CHIC2: variants seen among roughly 807,000 people sequenced by gnomAD.
CHIC2 encodes the protein cysteine rich hydrophobic domain 2.
Under a neutral mutation model 25.9 loss-of-function variants are expected in CHIC2, and 14 were observed. That is an observed-to-expected ratio of 0.54 (90% CI 0.36 to 0.85). The LOEUF (loss-of-function observed/expected upper bound fraction) is 0.85. Among genes scored for constraint, CHIC2 ranks in the 40% least tolerant of loss-of-function variants. The pLI is 0.01. For synonymous variants in CHIC2, 70 were observed against 72.0 expected (o/e 0.97, Z 0.14); for missense variants, 146 against 202.0 (o/e 0.72, Z 1.68).
intron 3 of CHIC2, among the ~76,000 whole-genome samples, chr4:54,021,169 T>C (rs2110064120): frequency 6.6e-6 from 1 of 152,324 alleles, no homozygotes; most frequent in Non-Finnish European, 1.5e-5. Flanking sequence ...TCTTCTGCAA[T>C]ACCGCTTGAC....
intron 3 of CHIC2, among the ~76,000 whole-genome samples, chr4:54,029,338 C>G (rs1308422972): frequency 6.6e-6 from 1 of 152,046 alleles, no homozygotes; most frequent in Admixed American, 6.6e-5. Context: ...CAAGAAAGAT[C>G]AGGTTCCTGA....
At chr4:54,051,071 C>G (rs1716995016) in intron 1 of CHIC2, among the ~76,000 whole-genome samples, 1 of 152,056 alleles carries the variant, frequency 6.6e-6, no homozygotes, top group African/African-American at 2.4e-5. Context: ...CTCTGAAATT[C>G]TGAACTGTAA....
intron 1 of CHIC2, among the ~76,000 whole-genome samples, chr4:54,057,138 C>T (rs929412802): frequency 6.6e-6 from 1 of 152,126 alleles, no homozygotes; most frequent in African/African-American, 2.4e-5. Flanking sequence ...GCAAAAGTGG[C>T]CACTGCTATG....
chr4:54,085,158 T>C, the CHIC2 span, among the ~76,000 whole-genome samples: 1 of 152,200 alleles, frequency 6.6e-6, no homozygotes, highest in Non-Finnish European at 1.5e-5. Context: ...TTTTATTAAA[T>C]ATGAATGTCC....
In CHIC2 at chr4:54,050,372, G is replaced by A. The variant is rs1003197670; in HGVS notation, c.120-1067C>T. On this transcript the variant is annotated intron_variant, in intron 1 of 5. Coordinates refer to ENST00000263921, the MANE Select transcript of CHIC2 (RefSeq NM_012110.4). ...ATTTCACTATCTCTACATTCCTCCA[G>A]TCTATAGTCATAACTCTGCAAACCA... Among the ~76,000 whole-genome samples, 9 of 152,128 alleles carry A rather than the reference G, an allele frequency of 5.9e-5. No individual in the cohort carries two copies. In the East Asian group the frequency reaches 1.7e-3, roughly 29 times the overall value.
intron 3 of CHIC2, among the ~76,000 whole-genome samples, chr4:54,038,872 GA>G (rs528099077): frequency 9.4e-4 from 141 of 150,160 alleles, no homozygotes; most frequent in Admixed American, 2.3e-3. Context: ...AATTAAAAAA[GA>G]AAAAAAAGCT....
chr4:54,057,562 C>T (rs942071256), intron 1 of CHIC2, among the ~76,000 whole-genome samples: 1 of 152,242 alleles, frequency 6.6e-6, no homozygotes, highest in Admixed American at 6.5e-5. Flanking sequence ...AGGATCTCAT[C>T]CATTTCCTTC....
At chr4:54,091,648 A>G in the CHIC2 span, among the ~76,000 whole-genome samples, 149 of 152,304 alleles carry the variant, frequency 9.8e-4, 3 homozygotes, top group Admixed American at 8.1e-3. Flanking sequence ...GAACCTATCC[A>G]TGTAACCTAA....
intron 1 of CHIC2, among the ~76,000 whole-genome samples, chr4:54,062,838 T>C (rs935275333): frequency 6.6e-6 from 1 of 152,136 alleles, no homozygotes; most frequent in Non-Finnish European, 1.5e-5. Context: ...ATGAATTCTG[T>C]GATATATGTT....
At chr4:54,080,787 A>G in the CHIC2 span, among the ~76,000 whole-genome samples, 5 of 151,118 alleles carry the variant, frequency 3.3e-5, no homozygotes, top group Non-Finnish European at 7.4e-5. Flanking sequence ...GGGGTCTCTA[A>G]TGTACAGCAT....
intron 3 of CHIC2, among the ~76,000 whole-genome samples, chr4:54,043,484 G>C (rs1221613716): frequency 6.7e-6 from 1 of 150,374 alleles, no homozygotes; most frequent in Non-Finnish European, 1.5e-5. Flanking sequence ...CCAGAAGAGA[G>C]TGGGGGCCAA....
At chr4:54,039,137 A>G (rs1236276739) in intron 3 of CHIC2, among the ~76,000 whole-genome samples, 1 of 152,174 alleles carries the variant, frequency 6.6e-6, no homozygotes, top group Non-Finnish European at 1.5e-5. Context: ...TCACACACCT[A>G]AAAGTAAAGA....
chr4:54,049,331 G>A, intron 1 of CHIC2, 26 bp from the exon 2 acceptor site: 1 of 1,447,606 alleles, frequency 6.9e-7, no homozygotes, highest in Non-Finnish European at 9.5e-7. Context: ...AGAAGAATAT[G>A]TTATTACATG....
At position 54,064,455 on chromosome 4, in the gene CHIC2, G is replaced by A. The variant is rs1364452029; in HGVS notation, c.-155C>T. ...GTCGGCTGTCTCGGCTCCGGCTACAGAGGGGATGGGGTCTGGACCGTCGCC... is the reference window on the plus strand; with the variant it reads ...GTCGGCTGTCTCGGCTCCGGCTACAAAGGGGATGGGGTCTGGACCGTCGCC... On this transcript the variant is annotated 5_prime_UTR_variant, in exon 1 of 6. Coordinates refer to ENST00000263921, the MANE Select transcript of CHIC2 (RefSeq NM_012110.4). This position sits in a 1 kb window ranked among gnomAD's most constrained non-coding sequence, Gnocchi z 4.2. The A allele has an allele frequency of 2.7e-6, 4 of 1,494,452 alleles. No individual in the cohort carries two copies. Among genetic ancestry groups the A allele is most frequent in the African/African-American group, 1.4e-5 (1 of 70,572 alleles). The allele number at this position is 1,494,452 out of a possible 1,614,324, so 92.6% of individuals were successfully genotyped here.
At chr4:54,032,732 AGGAACTGAGAAACTGCCAAAAGT>A (rs1449678096) in intron 3 of CHIC2, among the ~76,000 whole-genome samples, 1 of 152,248 alleles carries the variant, frequency 6.6e-6, no homozygotes, top group Non-Finnish European at 1.5e-5. Flanking sequence ...AATGCATTTA[AGGAACTGAGAAACTGCCAAAAGT>A]GGAAGTACTA....
chr4:54,053,944 C>T (rs1372621845), intron 1 of CHIC2, among the ~76,000 whole-genome samples: 1 of 152,056 alleles, frequency 6.6e-6, no homozygotes, highest in Non-Finnish European at 1.5e-5. Context: ...GTGCTCGCCA[C>T]CATGCTGGGC....
rs2110097574 is a variant in CHIC2 at position 54,064,378 on chromosome 4, G to A, written c.-78C>T. 1 of 1,580,224 alleles carries A rather than the reference G, an allele frequency of 6.3e-7. No homozygotes were observed. Among genetic ancestry groups the A allele is most frequent in the South Asian group, 1.1e-5 (1 of 87,524 alleles). ...CGGGGTACCGGCGGGCGAGGCGGCG[G>A]AGGCTGAGGGGAGTCGCCGCTGCCG... On this transcript the variant is annotated 5_prime_UTR_variant, in exon 1 of 6. Coordinates refer to ENST00000263921, the MANE Select transcript of CHIC2 (RefSeq NM_012110.4). This position sits in a 1 kb window ranked among gnomAD's most constrained non-coding sequence, Gnocchi z 4.2.
chr4:54,072,810 T>C, the CHIC2 span, among the ~76,000 whole-genome samples: 6 of 152,102 alleles, frequency 3.9e-5, no homozygotes, highest in Non-Finnish European at 7.4e-5. Context: ...TGGTGGCTCA[T>C]GCCGGTAATC....
chr4:54,080,288 CAAAGAAA>C, the CHIC2 span, among the ~76,000 whole-genome samples: 1 of 150,516 alleles, frequency 6.6e-6, no homozygotes, highest in Non-Finnish European at 1.5e-5. Context: ...ATAAGACAGA[CAAAGAAA>C]GACAAATGCT....
Sources: gnomAD v4.1 joint callset for allele counts (sites outside exome capture counted in the v4.1 genomes callset) on GRCh38, gnomAD v4.1.1 for gene constraint, Gnocchi (gnomAD v3.1) non-coding constraint, MANE v1.5 for transcripts, NCBI Gene and HGNC (gene_info 2026-07-23, HGNC 2026-07-21) for gene names.